Variants in SPTBN5 observed in about 807,000 individuals in gnomAD.
SPTBN5 encodes spectrin beta chain, non-erythrocytic 5.
In SPTBN5, 513 loss-of-function variants were observed where a neutral mutation model predicts 477.6. The ratio of observed to expected loss-of-function variants is 1.07; its 90% confidence interval spans 1.00 to 1.16. SPTBN5 has a LOEUF of 1.16. Ranked by LOEUF, SPTBN5 falls within the 50% of genes most tolerant of loss-of-function variation. The pLI, the probability that SPTBN5 is intolerant of heterozygous loss-of-function variation, is 0.00. For synonymous variants in SPTBN5, 2,169 were observed against 2,011.7 expected (o/e 1.08, Z -2.09); for missense variants, 5,062 against 4,731.8 (o/e 1.07, Z -2.05).
At chr15:41,892,209 CAGCTCAGTG>C (rs1427781364) in intron 3 of SPTBN5, among the ~76,000 whole-genome samples, 1 of 152,210 alleles carries the variant, frequency 6.6e-6, no homozygotes, top group Non-Finnish European at 1.5e-5. Flanking sequence ...CAGCCAGGCC[CAGCTCAGTG>C]ACTTCACAGC....
At chr15:41,856,824 A>C in intron 52 of SPTBN5, 29 bp downstream of exon 52, 1 of 1,527,638 alleles carries the variant, frequency 6.5e-7, no homozygotes, top group Non-Finnish European at 8.8e-7. Flanking sequence ...CTCATGTGCG[A>C]GGCCAGCCCT....
chr15:41,887,140 C>G, intron 6 of SPTBN5, 73 bp downstream of exon 6: 1 of 1,382,054 alleles, frequency 7.2e-7, no homozygotes, highest in Non-Finnish European at 1.0e-6. Context: ...TAGTACGTGG[C>G]AGGGCAGGCT....
chr15:41,854,114 C>G lies in SPTBN5; in HGVS notation c.9710G>C (p.Gly3237Ala), dbSNP rs2065862435. The G allele has an allele frequency of 1.3e-6, 2 of 1,588,138 alleles. No individual in the cohort carries two copies. The highest frequency in any genetic ancestry group is 2.3e-5 in the South Asian group (2 of 86,908). The change falls in exon 57 of 68, where the codon GGG (glycine) becomes GCG (alanine). Residue 3237 changes from glycine to alanine, a missense_variant. By Grantham distance (60) the Gly-to-Ala change is moderately conservative. Coordinates refer to ENST00000320955, the MANE Select transcript of SPTBN5 (RefSeq NM_016642.4). ...TGACAGGCTGTGGCCTCCGTCCTCC[C>G]CCTTCATCAGGGCCGTCTTCTCCTG... ...RMQEKTALMK[G>A]EDGGHSLSSV... is the part of the protein sequence containing the mutation.
In SPTBN5 at chr15:41,868,177, C is replaced by G. The variant is rs1310931054; in HGVS notation, c.6099G>C (p.Gln2033His). The stretch of plus-strand genomic sequence containing the variant: ...GCTTCCGTGCCCAGGTCTGATACAC[C>G]TGGTCCCGCTGGTCCTGCAGGGCTC... ...ELRALQDQRD[Q>H]VYQTWARKQE... Residue 2033 changes from glutamine (Q) to histidine (H), a missense_variant, in exon 34 of 68, where the codon CAG (glutamine) becomes CAC (histidine). Transcript: ENST00000320955. 6 of 1,582,124 alleles carry G rather than the reference C, an allele frequency of 3.8e-6. No individual in the cohort carries two copies. In the Admixed American group the frequency reaches 9.1e-5, roughly 24 times the overall value.
At position 41,852,313 on chromosome 15, in the gene SPTBN5, C is replaced by G; in HGVS notation, c.10453G>C (p.Glu3485Gln). The change falls in exon 62 of 68, where the codon GAA becomes CAA. Residue 3485 changes from glutamate to glutamine, a missense_variant. By Grantham distance (29) the Glu-to-Gln change is conservative (BLOSUM62 2). Coordinates refer to ENST00000320955, the MANE Select transcript of SPTBN5 (RefSeq NM_016642.4). Reference sequence around the variant, plus strand: ...TGTGGCTGCAGCAGGAGCTCCTGTTCCATCTTGGGGAGTGGGCAAGGTGGG... The same window carrying G: ...TGTGGCTGCAGCAGGAGCTCCTGTTGCATCTTGGGGAGTGGGCAAGGTGGG... ...KFAQMQKTEM[E>Q]QELLLQPQEL... 1 of 1,584,280 alleles carries G rather than the reference C, an allele frequency of 6.3e-7. No individual in the cohort carries two copies. The highest frequency in any genetic ancestry group is 1.8e-5 in the Admixed American group (1 of 55,568).
Position 41,863,933 on chromosome 15 carries a change from T to C in SPTBN5, c.7010A>G (p.Gln2337Arg), listed in dbSNP as rs542620035. 1 of 1,613,920 alleles carries C rather than the reference T, an allele frequency of 6.2e-7. No individual in the cohort carries two copies. Among genetic ancestry groups the C allele is most frequent in the South Asian group, 1.1e-5 (1 of 91,074 alleles). ...CCTGTTGTTGAGCTGGCTTCGCCGC[T>C]GGCAGATGATCTTGACTTCCTCAGG... Reference protein sequence around the residue: ...RDPEEVKIICQRRSQLNNRWA... With the variant: ...RDPEEVKIICRRRSQLNNRWA... The change falls in exon 40 of 68, where the codon CAG becomes CGG. Residue 2337 changes from glutamine (Q) to arginine (R), a missense_variant. Transcript: ENST00000320955.
chr15:41,848,287 T>TCTAC lies in SPTBN5; in HGVS notation c.*325_*328dup, dbSNP rs1019551790. On this transcript the variant is annotated 3_prime_UTR_variant, in exon 68 of 68. Transcript: ENST00000320955. ...AGCACATTCTCTGCACACGTCTGCG[T>TCTAC]CTACCTGTGCTCAGAGTCACCCCTT... 3.9e-6 allele frequency: 2 copies of TCTAC among 518,470 alleles called. No homozygotes were observed. The highest frequency in any genetic ancestry group is 1.9e-5 in the African/African-American group (1 of 52,154). The allele number at this position is 518,470 out of a possible 1,614,324, so 32.1% of individuals were successfully genotyped here.
Position 41,868,502 on chromosome 15 carries a change from GGGCACTGAGCTTCAGCGGGCCACTGCTA to G in SPTBN5, c.5925_5952del (p.Ser1976ThrfsTer88). 6.2e-7 allele frequency: 1 copy of G among 1,610,952 alleles called. No individual in the cohort carries two copies. The highest frequency in any genetic ancestry group is 2.2e-5 in the East Asian group (1 of 44,890). ...TCCAGCTCCGCCCGGAGCCACTGGT[GGGCACTGAGCTTCAGCGGGCCACTGCTA>G]GGCTCTTGCGAACTCTCCTCCACCT... On this transcript the variant is annotated frameshift_variant, in exon 33 of 68. Transcript: ENST00000320955. LOFTEE classifies it high-confidence loss of function.
At position 41,853,443 on chromosome 15, in the gene SPTBN5, A is replaced by G. The variant is rs987041318; in HGVS notation, c.9985T>C (p.Trp3329Arg). ...FLGRCQELLA[W>R]AQERQELASS... ...GCCAGCTCCTGCCTCTCCTGTGCCC[A>G]TGCTCTGTGGGGCAGGGAAGGGAGC... Residue 3329 changes from tryptophan to arginine, a missense_variant, in exon 59 of 68, where the codon TGG becomes CGG. Trp to Arg is a moderately radical substitution (Grantham distance 101). Transcript: ENST00000320955. 6 of 1,575,820 alleles carry G rather than the reference A, an allele frequency of 3.8e-6. No homozygotes were observed. In the African/African-American group the frequency reaches 6.7e-5, roughly 18 times the overall value.
rs772520113 is a variant in SPTBN5 at position 41,871,788 on chromosome 15, G to T, written c.5295C>A (p.His1765Gln). The change falls in exon 28 of 68, where the codon CAC becomes CAA. Residue 1765 changes from histidine (H) to glutamine (Q), a missense_variant. Physicochemically the swap from His to Gln is conservative, Grantham distance 24 (BLOSUM62 0). Transcript: ENST00000320955. The stretch of plus-strand genomic sequence containing the variant: ...ACCCTGGCCCTCTTCTCACCAGGGC[G>T]TGCTCGGGGTCCTCTCCCAGGCTCT... ...GGESLGEDPE[H>Q]ALHLCTKFAK... The T allele has an allele frequency of 6.3e-7, 1 of 1,585,462 alleles. No individual in the cohort carries two copies. The highest frequency in any genetic ancestry group is 2.3e-5 in the East Asian group (1 of 43,326).
At chr15:41,859,975 T>C (rs1011121838) in intron 47 of SPTBN5, among the ~76,000 whole-genome samples, 4 of 152,110 alleles carry the variant, frequency 2.6e-5, no homozygotes, top group Admixed American at 6.5e-5. Context: ...GATCTAAAAG[T>C]CTGAGGAGCT....
At chr15:41,857,203 C>T (rs1243478656) in intron 51 of SPTBN5, 35 bp downstream of exon 51, 1 of 1,563,190 alleles carries the variant, frequency 6.4e-7, no homozygotes, top group Non-Finnish European at 8.7e-7. Flanking sequence ...TCCAGGAAGG[C>T]AGGGAAGAGA....
chr15:41,887,165 G>T (rs954536545), intron 6 of SPTBN5, 48 bp downstream of exon 6: 35 of 1,517,454 alleles, frequency 2.3e-5, no homozygotes, highest in Non-Finnish European at 1.1e-5. Flanking sequence ...GCTTAGGCCT[G>T]TCTGCCTCTG....
chr15:41,885,662 T>G, intron 7 of SPTBN5, 73 bp downstream of exon 7: 26 of 1,483,950 alleles, frequency 1.8e-5, no homozygotes, highest in Non-Finnish European at 2.0e-5. Context: ...AATGGGCACA[T>G]GACATGGAAG....
At position 41,855,891 on chromosome 15, in the gene SPTBN5, C is replaced by T; in HGVS notation, c.9022-146G>A. On this transcript the variant is annotated intron_variant, in intron 53 of 67. Coordinates refer to ENST00000320955, the MANE Select transcript of SPTBN5 (RefSeq NM_016642.4). Reference sequence around the variant, plus strand: ...GCCTGGCCCCACTCCTAAGCAGCCTCATCTGGTCCGGAACACAGCCAGAGC... The same window carrying T: ...GCCTGGCCCCACTCCTAAGCAGCCTTATCTGGTCCGGAACACAGCCAGAGC... 3.6e-6 allele frequency: 3 copies of T among 827,170 alleles called. No homozygotes were observed. The Admixed American group carries it at 9.1e-5, about 25-fold the overall frequency. 51.2% of individuals were successfully genotyped at this position (827,170 alleles called of 1,614,324 possible). A position where few individuals can be genotyped will look rare whatever the true frequency, so the allele number is the denominator to read the frequency against.
Position 41,861,723 on chromosome 15 carries a change from G to A in SPTBN5, c.7737+12C>T, listed in dbSNP as rs912718146. On this transcript the variant is annotated intron_variant, in intron 45 of 67. Transcript: ENST00000320955. ...GGGGCAAGATGCAGGCTGGGGATGG[G>A]ACTGTGCCTGCCTGTAGCTCCAGGG... The A allele has an allele frequency of 2.0e-6, 3 of 1,537,152 alleles. No homozygotes were observed. The highest frequency in any genetic ancestry group is 2.0e-4 in the Middle Eastern group (1 of 4,978).
rs2140967653 is a variant in SPTBN5, at chr15:41,887,212, C to A, written c.888+1G>T. On this transcript the variant is annotated splice_donor_variant, in intron 6 of 67. Transcript: ENST00000320955. LOFTEE classifies it high-confidence loss of function. ...CACCCCACCCCTCCTTTCTCCCCCACCTTAGTGAGTCTCCTCTGGACAGTC... is the reference window on the plus strand; with the variant it reads ...CACCCCACCCCTCCTTTCTCCCCCAACTTAGTGAGTCTCCTCTGGACAGTC... The A allele has an allele frequency of 2.6e-6, 4 of 1,551,458 alleles. No homozygotes were observed. Among genetic ancestry groups the A allele is most frequent in the Non-Finnish European group, 3.5e-6 (4 of 1,146,908 alleles).
At position 41,851,347 on chromosome 15, in the gene SPTBN5, C is replaced by T. The variant is rs759119488; in HGVS notation, c.10679G>A (p.Ser3560Asn). Residue 3560 changes from serine (S) to asparagine (N), a missense_variant, in exon 64 of 68, where the codon AGC becomes AAC. Coordinates refer to ENST00000320955, the MANE Select transcript of SPTBN5 (RefSeq NM_016642.4). ...GCTGCCCTGCAAGTTCCCGCGGCAG[C>T]TGTCCCAGGAGCTCGAGCTAGGCTG... The part of the protein sequence containing the change: ...GRQPSSSSWD[S>N]CRGNLQGSSL... 2.2e-5 allele frequency: 34 copies of T among 1,550,926 alleles called. 1 individual carries two copies. The South Asian group carries it at 3.6e-4, about 16-fold the overall frequency.
intron 6 of SPTBN5, among the ~76,000 whole-genome samples, 189 bp from the exon 7 acceptor site, chr15:41,886,555 G>A (rs960338778): frequency 1.1e-4 from 17 of 152,214 alleles, no homozygotes; most frequent in Admixed American, 1.0e-3. Flanking sequence ...CCAGGAGCTT[G>A]GGGACCCTCT....
Sources: allele counts gnomAD v4.1 joint callset (sites outside exome capture counted in the v4.1 genomes callset), GRCh38; gene constraint gnomAD v4.1.1; transcripts MANE v1.5; gene names NCBI Gene and HGNC (gene_info 2026-07-23, HGNC 2026-07-21).